The following EXOC4 variants were observed in gnomAD, a reference collection of about 807,000 sequenced individuals.
EXOC4 encodes exocyst complex component 4, also known as SEC8-like 1.
A neutral mutation model predicts 107.2 loss-of-function variants in EXOC4; 71 were observed. The ratio of observed to expected loss-of-function variants is 0.66; its 90% CI spans 0.55 to 0.81. The LOEUF is 0.81. Ranked by LOEUF, EXOC4 falls within the 30% of genes least tolerant of loss-of-function variation. The pLI, the probability that EXOC4 is intolerant of heterozygous loss-of-function variation, is 0.00. For missense variants in EXOC4, 1,108 were observed against 1,189.6 expected (o/e 0.93, Z 1.01); for synonymous variants, 456 against 441.2 (o/e 1.03, Z -0.42).
chr7:133,399,242 G>A (rs1231882954), intron 7 of EXOC4, among the ~76,000 whole-genome samples: 2 of 152,132 alleles, frequency 1.3e-5, no homozygotes, highest in African/African-American at 2.4e-5. Context: ...GCCAATGTTG[G>A]AGAATTTATT....
At chr7:133,400,180 A>G (rs975450140) in intron 7 of EXOC4, among the ~76,000 whole-genome samples, 1 of 152,220 alleles carries the variant, frequency 6.6e-6, no homozygotes, top group Non-Finnish European at 1.5e-5. Context: ...AGGGTTGATG[A>G]CACCTTGGAT....
intron 2 of EXOC4, among the ~76,000 whole-genome samples, chr7:133,283,011 G>A (rs992778493): frequency 6.6e-6 from 1 of 152,162 alleles, no homozygotes; most frequent in African/African-American, 2.4e-5. Context: ...GATTCTACAT[G>A]TAAGGGAGAT....
At chr7:134,039,836 T>C (rs2116521846) in intron 17 of EXOC4, among the ~76,000 whole-genome samples, 1 of 152,324 alleles carries the variant, frequency 6.6e-6, no homozygotes, top group Non-Finnish European at 1.5e-5. Context: ...TTTTTCCTCA[T>C]CTGTATCTGG....
intron 11 of EXOC4, among the ~76,000 whole-genome samples, chr7:133,829,554 T>G (rs1035508874): frequency 1.2e-4 from 18 of 152,222 alleles, no homozygotes; most frequent in African/African-American, 4.1e-4. Flanking sequence ...GCTTAGCATT[T>G]GTCATCAGTC....
intron 10 of EXOC4, among the ~76,000 whole-genome samples, chr7:133,726,124 A>G (rs1795209861): frequency 6.6e-6 from 1 of 152,234 alleles, no homozygotes; most frequent in Non-Finnish European, 1.5e-5. Context: ...CTTGATAGTT[A>G]TAAAAAATGG....
chr7:133,372,861 G>A (rs897695990), intron 6 of EXOC4, among the ~76,000 whole-genome samples: 2 of 152,104 alleles, frequency 1.3e-5, no homozygotes, highest in Non-Finnish European at 2.9e-5. Context: ...ATTTTCTCCG[G>A]TAAGGACATT....
In EXOC4 at chr7:134,061,910, T is replaced by G. The variant is rs1461223028; in HGVS notation, c.2688-2381T>G. Reference sequence around the variant, plus strand: ...ACAGCAGATACATTAAGGAGTAGAATGCAAAGTTCACGTGAGTTTTATGCT... The same window carrying G: ...ACAGCAGATACATTAAGGAGTAGAAGGCAAAGTTCACGTGAGTTTTATGCT... On this transcript the variant is annotated intron_variant, in intron 17 of 17. Coordinates refer to ENST00000253861, the MANE Select transcript of EXOC4 (RefSeq NM_021807.4). 4.6e-5 allele frequency among the ~76,000 whole-genome samples: 7 copies of G among 152,178 alleles called. No homozygotes were observed. In the East Asian group the frequency reaches 1.3e-3, roughly 29 times the overall value.
intron 10 of EXOC4, among the ~76,000 whole-genome samples, chr7:133,634,585 G>A (rs945274673): frequency 6.6e-6 from 1 of 152,264 alleles, no homozygotes; most frequent in African/African-American, 2.4e-5. Context: ...TGCCTCCTGG[G>A]TTTAAGCAAT....
chr7:133,651,818 G>A (rs907359779), intron 10 of EXOC4, among the ~76,000 whole-genome samples: 1 of 151,922 alleles, frequency 6.6e-6, no homozygotes, highest in Non-Finnish European at 1.5e-5. Context: ...CCAAATAACT[G>A]GGATTACAGG....
chr7:133,880,060 C>T (rs1218310355), intron 11 of EXOC4, among the ~76,000 whole-genome samples: 1 of 152,212 alleles, frequency 6.6e-6, no homozygotes, highest in East Asian at 1.9e-4. Flanking sequence ...TACACCTTTT[C>T]CCTTGCCTGA....
intron 1 of EXOC4, among the ~76,000 whole-genome samples, chr7:133,265,931 TCTGA>T (rs1250347783): frequency 1.3e-5 from 2 of 152,180 alleles, no homozygotes; most frequent in Admixed American, 6.5e-5. Flanking sequence ...CTGTGTTGCT[TCTGA>T]CTAAGGAGAG....
At chr7:133,743,532 T>G (rs1472492874) in intron 10 of EXOC4, among the ~76,000 whole-genome samples, 1 of 152,176 alleles carries the variant, frequency 6.6e-6, no homozygotes, top group African/African-American at 2.4e-5. Flanking sequence ...TCAAAAGCAC[T>G]ATGACATGTC....
chr7:133,867,965 T>C lies in EXOC4; in HGVS notation c.1735-27634T>C, dbSNP rs1041891389. Among the ~76,000 whole-genome samples, 33 of 152,248 alleles carry C rather than the reference T, an allele frequency of 2.2e-4. 1 individual carries two copies. Among genetic ancestry groups the C allele is most frequent in the Admixed American group, 2.2e-3 (33 of 15,284 alleles). ...TTTTAAACCAGCGTGAATCTGAGGTTATTTCATTAATGTGGTAAGCAAATG... is the reference window on the plus strand; with the variant it reads ...TTTTAAACCAGCGTGAATCTGAGGTCATTTCATTAATGTGGTAAGCAAATG... On this transcript the variant is annotated intron_variant, in intron 11 of 17. Coordinates refer to ENST00000253861, the MANE Select transcript of EXOC4 (RefSeq NM_021807.4).
chr7:134,022,371 T>TTA (rs1264818613), intron 17 of EXOC4, among the ~76,000 whole-genome samples: 4 of 152,182 alleles, frequency 2.6e-5, no homozygotes, highest in African/African-American at 9.7e-5. Flanking sequence ...TTGCTTTAGT[T>TTA]AAGTTTCGTA....
the EXOC4 span, among the ~76,000 whole-genome samples, chr7:134,073,872 C>T: frequency 6.6e-6 from 1 of 152,062 alleles, no homozygotes; most frequent in African/African-American, 2.4e-5. Context: ...ATCAGGGCAT[C>T]CTGATCACTC....
chr7:134,061,738 CAG>C (rs1253832757), intron 17 of EXOC4, among the ~76,000 whole-genome samples: 1 of 152,074 alleles, frequency 6.6e-6, no homozygotes, highest in Non-Finnish European at 1.5e-5. Context: ...CTACAGGAAA[CAG>C]AATTAGATGA....
At chr7:133,469,052 T>C (rs1798804724) in intron 7 of EXOC4, among the ~76,000 whole-genome samples, 1 of 152,182 alleles carries the variant, frequency 6.6e-6, no homozygotes, top group African/African-American at 2.4e-5. Flanking sequence ...AAGCAGTCTA[T>C]TATCAGACTC....
At chr7:133,400,595 T>G (rs189666530) in intron 7 of EXOC4, among the ~76,000 whole-genome samples, 81 of 152,320 alleles carry the variant, frequency 5.3e-4, no homozygotes, top group African/African-American at 1.9e-3. Flanking sequence ...TGAATCTAGT[T>G]TATAGTTTTT....
At chr7:133,785,329 T>A (rs1796545974) in intron 10 of EXOC4, among the ~76,000 whole-genome samples, 1 of 152,098 alleles carries the variant, frequency 6.6e-6, no homozygotes, top group African/African-American at 2.4e-5. Context: ...CAAATCTGAG[T>A]ATTTTCAATA....
Sources: gnomAD v4.1 joint callset for allele counts (sites outside exome capture counted in the v4.1 genomes callset) on GRCh38, gnomAD v4.1.1 for gene constraint, MANE v1.5 for transcripts, NCBI Gene and HGNC (gene_info 2026-07-23, HGNC 2026-07-21) for gene names.